CTNND2: variants seen among roughly 807,000 people sequenced by gnomAD.
The protein encoded by CTNND2 is catenin delta-2.
A neutral mutation model predicts 144.4 loss-of-function variants in CTNND2; 22 were observed. The ratio of observed to expected loss-of-function variants is 0.15; its 90% CI spans 0.11 to 0.22. The LOEUF (loss-of-function observed/expected upper bound fraction) is 0.22. Among genes scored for constraint, CTNND2 ranks in the 10% least tolerant of loss-of-function variants. The pLI, the probability that CTNND2 is intolerant of heterozygous loss-of-function variation, is 1.00. For synonymous variants in CTNND2, 751 were observed against 695.6 expected (o/e 1.08, Z -1.25); for missense variants, 1,353 against 1,618.8 (o/e 0.84, Z 2.82).
At chr5:11,192,380 T>G (rs966983270) in intron 11 of CTNND2, among the ~76,000 whole-genome samples, 2 of 152,134 alleles carry the variant, frequency 1.3e-5, no homozygotes, top group African/African-American at 4.8e-5. Context: ...ATAATCATTC[T>G]CCAAAGGTGT....
chr5:11,281,956 CA>C (rs1466949678), intron 9 of CTNND2, among the ~76,000 whole-genome samples: 1 of 152,116 alleles, frequency 6.6e-6, no homozygotes, highest in African/African-American at 2.4e-5. Context: ...TAAACTATCC[CA>C]AAACTTAGTA....
intron 9 of CTNND2, among the ~76,000 whole-genome samples, chr5:11,346,146 T>C (rs752568451): frequency 6.6e-6 from 1 of 152,124 alleles, no homozygotes; most frequent in Non-Finnish European, 1.5e-5. Context: ...CAAGCACATA[T>C]AGATACTCTG....
chr5:11,714,951 G>T (rs1195369655), intron 2 of CTNND2, among the ~76,000 whole-genome samples: 1 of 151,074 alleles, frequency 6.6e-6, no homozygotes, highest in Non-Finnish European at 1.5e-5. Context: ...GGAAGGTAAA[G>T]AATGAAAATG....
At chr5:11,104,784 A>C (rs1439666771) in intron 14 of CTNND2, among the ~76,000 whole-genome samples, 1 of 152,214 alleles carries the variant, frequency 6.6e-6, no homozygotes, top group African/African-American at 2.4e-5. Context: ...TTTATGTGGC[A>C]CTGCATTGTC....
intron 1 of CTNND2, among the ~76,000 whole-genome samples, chr5:11,796,302 C>T (rs753628132): frequency 5.3e-5 from 8 of 152,212 alleles, no homozygotes; most frequent in Non-Finnish European, 4.4e-5. Flanking sequence ...TATTCTTCCA[C>T]GAACTACACT....
intron 3 of CTNND2, among the ~76,000 whole-genome samples, chr5:11,439,740 ATATCTATCTATCTATC>A (rs57368706): frequency 0.1 from 15,073 of 146,122 alleles, 982 homozygotes; most frequent in East Asian, 0.28. Context: ...TCTGCTAGCT[ATATCTATCTATCTATC>A]TATCTATCTA....
intron 9 of CTNND2, among the ~76,000 whole-genome samples, chr5:11,283,056 C>A (rs1747327203): frequency 1.3e-5 from 2 of 152,188 alleles, no homozygotes; most frequent in African/African-American, 2.4e-5. Flanking sequence ...TTACAAAATT[C>A]TCCTAAAATG....
intron 2 of CTNND2, among the ~76,000 whole-genome samples, chr5:11,675,400 G>A (rs1784121214): frequency 6.6e-6 from 1 of 152,072 alleles, no homozygotes; most frequent in African/African-American, 2.4e-5. Flanking sequence ...TCCAAGTAGG[G>A]ATGAATGCCA....
At chr5:11,684,652 A>T (rs1486963149) in intron 2 of CTNND2, among the ~76,000 whole-genome samples, 2 of 152,164 alleles carry the variant, frequency 1.3e-5, no homozygotes, top group Non-Finnish European at 2.9e-5. Context: ...CACCTTCTTA[A>T]TTCCTAACAT....
At chr5:11,244,501 T>A (rs1385446263) in intron 9 of CTNND2, among the ~76,000 whole-genome samples, 6 of 152,134 alleles carry the variant, frequency 3.9e-5, no homozygotes, top group African/African-American at 1.4e-4. Flanking sequence ...GCCAGGCTGG[T>A]CTTGAACTCC....
intron 9 of CTNND2, among the ~76,000 whole-genome samples, chr5:11,321,352 G>C (rs939677715): frequency 6.6e-6 from 1 of 152,082 alleles, no homozygotes; most frequent in Non-Finnish European, 1.5e-5. Context: ...ATGCATGCTG[G>C]GCCCTGCTCT....
At chr5:11,374,259 T>A (rs1467176942) in intron 7 of CTNND2, among the ~76,000 whole-genome samples, 1 of 152,182 alleles carries the variant, frequency 6.6e-6, no homozygotes, top group Non-Finnish European at 1.5e-5. Flanking sequence ...GTGATTGAAA[T>A]TTTGAATTTG....
intron 3 of CTNND2, among the ~76,000 whole-genome samples, chr5:11,551,594 G>C (rs746947912): frequency 6.7e-6 from 1 of 148,622 alleles, no homozygotes; most frequent in Non-Finnish European, 1.5e-5. Flanking sequence ...ATTTTTTTTT[G>C]TTTTCTTTGT....
At chr5:11,199,312 A>G (rs1561009304) in intron 11 of CTNND2, 136 bp downstream of exon 11, 6 of 701,396 alleles carry the variant, frequency 8.6e-6, no homozygotes, top group Non-Finnish European at 1.2e-5. Flanking sequence ...TTGTTTACTC[A>G]TTTGAAAACA....
At chr5:11,781,645 T>C (rs1790546314) in intron 1 of CTNND2, among the ~76,000 whole-genome samples, 2 of 152,248 alleles carry the variant, frequency 1.3e-5, no homozygotes, top group South Asian at 2.1e-4. Flanking sequence ...TGTTTTGTTA[T>C]GGATAATTTA....
chr5:11,116,830 G>C (rs2149693593), intron 13 of CTNND2, among the ~76,000 whole-genome samples: 1 of 152,226 alleles, frequency 6.6e-6, no homozygotes, highest in African/African-American at 2.4e-5. Context: ...GTCTGAGGTG[G>C]GCGGATCACT....
intron 8 of CTNND2, among the ~76,000 whole-genome samples, chr5:11,362,913 C>A (rs1445650399): frequency 6.6e-6 from 1 of 152,250 alleles, no homozygotes; most frequent in Non-Finnish European, 1.5e-5. Flanking sequence ...TCTGCCCCTG[C>A]AGGGCCCAAG....
At chr5:11,591,584 T>C (rs1398420254) in intron 2 of CTNND2, among the ~76,000 whole-genome samples, 2 of 151,808 alleles carry the variant, frequency 1.3e-5, no homozygotes, top group African/African-American at 4.8e-5. Flanking sequence ...TGCCAGCTCA[T>C]TGTTACTCCT....
chr5:11,668,633 A>G (rs532591133), intron 2 of CTNND2, among the ~76,000 whole-genome samples: 38 of 152,268 alleles, frequency 2.5e-4, no homozygotes, highest in Admixed American at 9.2e-4. Context: ...AGACTTTGCT[A>G]AAGTTGCATA....
Sources: allele counts gnomAD v4.1 joint callset (sites outside exome capture counted in the v4.1 genomes callset), GRCh38; gene constraint gnomAD v4.1.1; transcripts MANE v1.5; gene names NCBI Gene and HGNC (gene_info 2026-07-23, HGNC 2026-07-21).